ATP6V0D1: variants seen among roughly 807,000 people sequenced by gnomAD.
ATP6V0D1 encodes ATPase H+ transporting V0 subunit d1.
ATP6V0D1 carries 13 observed loss-of-function variants against 39.0 expected under a neutral mutation model. That is an observed-to-expected ratio of 0.33 (90% CI 0.22 to 0.53). The LOEUF (loss-of-function observed/expected upper bound fraction) is 0.53, where lower values mean the gene tolerates loss of function less well. Among genes scored for constraint, ATP6V0D1 ranks in the 20% least tolerant of loss-of-function variants. The pLI, the probability that ATP6V0D1 is intolerant of heterozygous loss-of-function variation, is 0.94. For synonymous variants in ATP6V0D1, 191 were observed against 191.2 expected (o/e 1.00, Z 0.01); for missense variants, 272 against 470.9 (o/e 0.58, Z 3.91).
intron 1 of ATP6V0D1, among the ~76,000 whole-genome samples, chr16:67,458,364 C>T (rs1349992362): frequency 6.6e-6 from 1 of 152,178 alleles, no homozygotes; most frequent in Admixed American, 6.5e-5. Context: ...TTGTGGGAGA[C>T]CTGGCCACCC....
At chr16:67,450,253 T>G (rs910698086) in intron 2 of ATP6V0D1, among the ~76,000 whole-genome samples, 2 of 152,144 alleles carry the variant, frequency 1.3e-5, no homozygotes, top group Non-Finnish European at 1.5e-5. Context: ...AGGTGCACCA[T>G]GCTCGCTACT....
chr16:67,465,757 G>GAC (rs2041324009), intron 1 of ATP6V0D1, among the ~76,000 whole-genome samples: 1 of 152,200 alleles, frequency 6.6e-6, no homozygotes, highest in Non-Finnish European at 1.5e-5. Context: ...AGGGAGGTGA[G>GAC]GATGGGTAGA....
chr16:67,465,406 C>G (rs1373820148), intron 1 of ATP6V0D1, among the ~76,000 whole-genome samples: 1 of 152,192 alleles, frequency 6.6e-6, no homozygotes, highest in Admixed American at 6.5e-5. Flanking sequence ...AAAATTCATC[C>G]TCTGTCCTGA....
chr16:67,452,477 G>T, intron 2 of ATP6V0D1: 1 of 1,374,020 alleles, frequency 7.3e-7, no homozygotes, highest in Non-Finnish European at 1.0e-6. Flanking sequence ...CTCTGTCCCT[G>T]CAGGGACAAG....
At chr16:67,448,049 T>A (rs754989238) in intron 2 of ATP6V0D1, among the ~76,000 whole-genome samples, 11 of 152,132 alleles carry the variant, frequency 7.2e-5, no homozygotes, top group Non-Finnish European at 1.3e-4. Flanking sequence ...TAGTTTCTCC[T>A]CCATATCAAG....
intron 2 of ATP6V0D1, chr16:67,452,231 G>A (rs2041189111): frequency 6.5e-7 from 1 of 1,534,866 alleles, no homozygotes; most frequent in Non-Finnish European, 8.7e-7. Context: ...GGTCCATGTT[G>A]GCATACCTTG....
Position 67,450,538 on chromosome 16 carries a change from G to C in ATP6V0D1, c.302+3006C>G, listed in dbSNP as rs550592151. On this transcript the variant is annotated intron_variant, in intron 2 of 7. Coordinates refer to ENST00000290949, the MANE Select transcript of ATP6V0D1 (RefSeq NM_004691.5). ...ATCATGGGAGCAAAGAAATAGCTAG[G>C]GGGGCTGGGGGGTGGACACCGCAGA... Among the ~76,000 whole-genome samples the C allele has an allele frequency of 1.8e-4, 28 of 152,258 alleles. No individual in the cohort carries two copies. The South Asian group carries it at 5.8e-3, about 32-fold the overall frequency.
In ATP6V0D1 at chr16:67,481,151, G is replaced by C. The variant is rs553316155; in HGVS notation, c.-65C>G. On this transcript the variant is annotated 5_prime_UTR_variant, in exon 1 of 8. Transcript: ENST00000290949. Reference sequence around the variant, plus strand: ...GCCGGCACGAATCGCGACTCCCCAGGTCAGCTGACGCTGCGTCCTCAGCGG... The same window carrying C: ...GCCGGCACGAATCGCGACTCCCCAGCTCAGCTGACGCTGCGTCCTCAGCGG... The C allele has an allele frequency of 1.6e-5, 25 of 1,602,562 alleles. No homozygotes were observed. The Admixed American group carries it at 2.2e-4, about 14-fold the overall frequency.
chr16:67,446,991 C>T (rs771731544), intron 2 of ATP6V0D1, among the ~76,000 whole-genome samples: 33 of 152,286 alleles, frequency 2.2e-4, no homozygotes, highest in Admixed American at 6.5e-4. Flanking sequence ...CACACACCTC[C>T]ACCCATGACC....
At position 67,453,779 on chromosome 16, in the gene ATP6V0D1, C is replaced by A; in HGVS notation, c.131-64G>T. 1 of 1,514,650 alleles carries A rather than the reference C, an allele frequency of 6.6e-7. No homozygotes were observed. The highest frequency in any genetic ancestry group is 9.0e-7 in the Non-Finnish European group (1 of 1,105,776). The allele number at this position is 1,514,650 out of a possible 1,614,324, so 93.8% of individuals were successfully genotyped here. On this transcript the variant is annotated intron_variant, in intron 1 of 7. Coordinates refer to ENST00000290949, the MANE Select transcript of ATP6V0D1 (RefSeq NM_004691.5). This position sits in a 1 kb window ranked among gnomAD's most constrained non-coding sequence, Gnocchi z 4.1. ...GGGCCTCCCCAAGGGTCCCAAGTCCCCATCCCCACCCCAACTCAGCCCCAG... is the reference window on the plus strand; with the variant it reads ...GGGCCTCCCCAAGGGTCCCAAGTCCACATCCCCACCCCAACTCAGCCCCAG...
chr16:67,455,839 G>A (rs2041232259), intron 1 of ATP6V0D1: 1 of 152,098 alleles, frequency 6.6e-6, no homozygotes, highest in African/African-American at 2.4e-5. Context: ...AGTAAACTTG[G>A]GTGGTTGCAT....
At chr16:67,471,648 C>G (rs1459109141) in intron 1 of ATP6V0D1, among the ~76,000 whole-genome samples, 1 of 151,908 alleles carries the variant, frequency 6.6e-6, no homozygotes, top group Non-Finnish European at 1.5e-5. Flanking sequence ...TCCCTCAGAG[C>G]AAGTTTCTTT....
intron 2 of ATP6V0D1, among the ~76,000 whole-genome samples, chr16:67,450,981 AGAG>A (rs2041173286): frequency 6.6e-6 from 1 of 152,162 alleles, no homozygotes; most frequent in African/African-American, 2.4e-5. Flanking sequence ...CACCTGCCCA[AGAG>A]GAGGCTGGGG....
At chr16:67,439,228 C>G in intron 5 of ATP6V0D1, 46 bp downstream of exon 5, 1 of 1,614,056 alleles carries the variant, frequency 6.2e-7, no homozygotes, top group Non-Finnish European at 8.5e-7. Flanking sequence ...CTCCCCAGGC[C>G]AGGGCTAGCG....
rs747198097 is a variant in ATP6V0D1, at chr16:67,457,615, C to G, written c.131-3900G>C. 3.1e-6 allele frequency: 4 copies of G among 1,289,416 alleles called. No homozygotes were observed. The South Asian group carries it at 4.9e-5, about 16-fold the overall frequency. 79.9% of individuals were successfully genotyped at this position (1,289,416 alleles called of 1,614,324 possible). A position where few individuals can be genotyped will look rare whatever the true frequency, so the allele number is the denominator to read the frequency against. ...TCACTGGACTGTCATCACTCAGGGA[C>G]AAGTCCCTCTGGCATCCCTTGTGGC... On this transcript the variant is annotated intron_variant, in intron 1 of 7. Coordinates refer to ENST00000290949, the MANE Select transcript of ATP6V0D1 (RefSeq NM_004691.5).
At chr16:67,472,650 G>A (rs1160103277) in intron 1 of ATP6V0D1, among the ~76,000 whole-genome samples, 1 of 152,160 alleles carries the variant, frequency 6.6e-6, no homozygotes, top group Non-Finnish European at 1.5e-5. Context: ...GGAGGATCAC[G>A]AGGTCAGGAG....
chr16:67,446,896 A>C (rs557608209), intron 2 of ATP6V0D1, among the ~76,000 whole-genome samples: 1 of 152,280 alleles, frequency 6.6e-6, no homozygotes, highest in Non-Finnish European at 1.5e-5. Context: ...CCCCACTGTC[A>C]GAGCAGATAA....
chr16:67,473,442 G>A (rs138976090), intron 1 of ATP6V0D1, among the ~76,000 whole-genome samples: 6 of 151,816 alleles, frequency 4.0e-5, no homozygotes, highest in South Asian at 4.2e-4. Context: ...TCCACCTTCC[G>A]GGTTCAAGCG....
chr16:67,438,917 G>A (rs72650136), intron 6 of ATP6V0D1, 47 bp from the exon 7 acceptor site: 1 of 1,613,420 alleles, frequency 6.2e-7, no homozygotes, highest in Admixed American at 1.7e-5. Flanking sequence ...GTTCTGGGTG[G>A]GGGTGCTTGG....
Sources: allele counts gnomAD v4.1 joint callset (sites outside exome capture counted in the v4.1 genomes callset), GRCh38; gene constraint gnomAD v4.1.1; non-coding constraint Gnocchi (gnomAD v3.1); transcripts MANE v1.5; gene names NCBI Gene and HGNC (gene_info 2026-07-23, HGNC 2026-07-21).